Variants in KIAA1217 observed in about 807,000 individuals in gnomAD.
KIAA1217 encodes the protein KIAA1217.
A neutral mutation model predicts 163.9 loss-of-function variants in KIAA1217; 88 were observed. The ratio of observed to expected loss-of-function variants is 0.54; its 90% confidence interval spans 0.45 to 0.64. KIAA1217 has a LOEUF of 0.64. Ranked by LOEUF, KIAA1217 falls within the 30% of genes least tolerant of loss-of-function variation. KIAA1217 has a pLI of 0.00. For synonymous variants in KIAA1217, 903 were observed against 923.1 expected (o/e 0.98, Z 0.39); for missense variants, 2,372 against 2,475.0 (o/e 0.96, Z 0.88).
At chr10:24,294,017 C>T (rs2079400578) in intron 2 of KIAA1217, among the ~76,000 whole-genome samples, 1 of 151,892 alleles carries the variant, frequency 6.6e-6, no homozygotes, top group Admixed American at 6.6e-5. Context: ...GACGGGGAAA[C>T]ACCGTCTCTA....
chr10:24,078,568 C>G (rs539363041), intron 2 of KIAA1217, among the ~76,000 whole-genome samples: 1 of 152,188 alleles, frequency 6.6e-6, no homozygotes, highest in Non-Finnish European at 1.5e-5. Flanking sequence ...TCTTGGCATT[C>G]TCTCCAAGCA....
intron 2 of KIAA1217, among the ~76,000 whole-genome samples, chr10:24,020,441 G>GT (rs200030893): frequency 6.6e-6 from 1 of 152,086 alleles, no homozygotes; most frequent in East Asian, 1.9e-4. Context: ...TCTCATTTGG[G>GT]TGGGCAGTGG....
chr10:24,422,398 C>A (rs2058805366), intron 3 of KIAA1217, among the ~76,000 whole-genome samples: 1 of 152,200 alleles, frequency 6.6e-6, no homozygotes, highest in South Asian at 2.1e-4. Flanking sequence ...ACAGTTATAG[C>A]ATATTCGTAA....
At chr10:23,824,914 G>A (rs1402221597) in intron 1 of KIAA1217, among the ~76,000 whole-genome samples, 1 of 151,836 alleles carries the variant, frequency 6.6e-6, no homozygotes, top group Non-Finnish European at 1.5e-5. Flanking sequence ...TCCTGATTTG[G>A]ACAAGGTATT....
intron 1 of KIAA1217, among the ~76,000 whole-genome samples, chr10:23,992,664 G>A (rs1294970671): frequency 6.8e-6 from 1 of 146,406 alleles, no homozygotes; most frequent in Non-Finnish European, 1.5e-5. Context: ...ACGCATCCCA[G>A]CCAAAGGTCT....
chr10:24,306,642 A>C (rs1193527986), intron 2 of KIAA1217, among the ~76,000 whole-genome samples: 1 of 152,212 alleles, frequency 6.6e-6, no homozygotes, highest in Non-Finnish European at 1.5e-5. Flanking sequence ...GGCTGGATAC[A>C]CATCACGTAT....
intron 2 of KIAA1217, among the ~76,000 whole-genome samples, chr10:24,363,664 T>G (rs974134925): frequency 1.3e-5 from 2 of 151,302 alleles, no homozygotes; most frequent in Non-Finnish European, 2.9e-5. Flanking sequence ...CTCCACCTCC[T>G]GGGCTCAAGC....
chr10:24,031,500 A>T (rs1241107716), intron 2 of KIAA1217, among the ~76,000 whole-genome samples: 1 of 152,104 alleles, frequency 6.6e-6, no homozygotes, highest in Non-Finnish European at 1.5e-5. Flanking sequence ...GGGTTTCACC[A>T]TGTTGCCCAG....
chr10:24,330,452 G>A (rs1048931223), intron 2 of KIAA1217, among the ~76,000 whole-genome samples: 1 of 152,104 alleles, frequency 6.6e-6, no homozygotes, highest in African/African-American at 2.4e-5. Flanking sequence ...AAATTTTAGA[G>A]CAAAAGGAAC....
intron 12 of KIAA1217, among the ~76,000 whole-genome samples, chr10:24,523,965 T>A (rs1426218339): frequency 6.6e-6 from 1 of 152,150 alleles, no homozygotes; most frequent in African/African-American, 2.4e-5. Flanking sequence ...AATTAGAATG[T>A]GGGCGGCCCA....
intron 2 of KIAA1217, among the ~76,000 whole-genome samples, chr10:24,028,597 G>A (rs990164106): frequency 4.6e-5 from 7 of 152,128 alleles, no homozygotes; most frequent in African/African-American, 1.7e-4. Flanking sequence ...CAGGGTCCAA[G>A]GAGCATGTGA....
At chr10:23,806,038 A>G (rs1836726580) in intron 1 of KIAA1217, among the ~76,000 whole-genome samples, 1 of 151,226 alleles carries the variant, frequency 6.6e-6, no homozygotes, top group Admixed American at 6.6e-5. Flanking sequence ...AAGAAAGAAA[A>G]AGAGAAAAAG....
At chr10:23,721,545 T>C (rs970352972) in intron 1 of KIAA1217, among the ~76,000 whole-genome samples, 6 of 152,016 alleles carry the variant, frequency 3.9e-5, no homozygotes, top group Non-Finnish European at 8.8e-5. Flanking sequence ...TTTTCAATGC[T>C]TATCAAAGTG....
intron 11 of KIAA1217, among the ~76,000 whole-genome samples, chr10:24,520,675 T>TATATATATATATATAC (rs1411092462): frequency 1.3e-5 from 1 of 77,506 alleles, no homozygotes; most frequent in Middle Eastern, 6.8e-3. Flanking sequence ...TATATATATA[T>TATATATATATATATAC]ACACACACAC....
chr10:24,224,674 T>C (rs1290277441), intron 2 of KIAA1217, among the ~76,000 whole-genome samples: 1 of 152,142 alleles, frequency 6.6e-6, no homozygotes, highest in Non-Finnish European at 1.5e-5. Context: ...AGGAAAATAG[T>C]ATCTACATCA....
At chr10:24,164,924 G>A (rs1307354730) in intron 2 of KIAA1217, among the ~76,000 whole-genome samples, 1 of 152,202 alleles carries the variant, frequency 6.6e-6, no homozygotes, top group African/African-American at 2.4e-5. Flanking sequence ...GACAGGAAGG[G>A]TGCCTTCCCC....
intron 2 of KIAA1217, among the ~76,000 whole-genome samples, chr10:24,035,797 G>A (rs1160342947): frequency 6.6e-6 from 1 of 152,194 alleles, no homozygotes; most frequent in Non-Finnish European, 1.5e-5. Flanking sequence ...GATTTCATGT[G>A]CTGCCAAAAA....
intron 2 of KIAA1217, among the ~76,000 whole-genome samples, chr10:24,078,312 C>A (rs1222703848): frequency 6.6e-6 from 1 of 152,094 alleles, no homozygotes; most frequent in African/African-American, 2.4e-5. Context: ...AGGGTAAAGC[C>A]GTGATGGAGC....
At chr10:24,484,242 T>TATATA (rs34504704) in intron 6 of KIAA1217, among the ~76,000 whole-genome samples, 10 of 48,254 alleles carry the variant, frequency 2.1e-4, no homozygotes, top group African/African-American at 6.8e-4. Context: ...TATATATATA[T>TATATA]TTTTTTTTTT....
Sources: gnomAD v4.1 joint callset for allele counts (sites outside exome capture counted in the v4.1 genomes callset) on GRCh38, gnomAD v4.1.1 for gene constraint, MANE v1.5 for transcripts, NCBI Gene and HGNC (gene_info 2026-07-23, HGNC 2026-07-21) for gene names.